OCA2: variants seen among roughly 807,000 people sequenced by gnomAD.
OCA2 encodes the protein OCA2 melanosomal transmembrane protein.
OCA2 carries 77 observed loss-of-function variants against 100.2 expected under a neutral mutation model. That is an observed-to-expected ratio of 0.77 (90% CI 0.64 to 0.93). The LOEUF (loss-of-function observed/expected upper bound fraction) is 0.93, where lower values mean the gene tolerates loss of function less well. OCA2 is among the 40% of genes least tolerant of loss of function. The pLI, the probability that OCA2 is intolerant of heterozygous loss-of-function variation, is 0.00. For missense variants in OCA2, 1,062 were observed against 1,089.1 expected (o/e 0.98, Z 0.35); for synonymous variants, 432 against 439.2 (o/e 0.98, Z 0.21).
intron 19 of OCA2, among the ~76,000 whole-genome samples, chr15:27,884,597 G>A (rs557203143): frequency 9.9e-5 from 15 of 152,018 alleles, no homozygotes; most frequent in Non-Finnish European, 2.1e-4. Flanking sequence ...TAAACTTCTT[G>A]TTATGTTGTT....
At chr15:27,899,693 G>A (rs758250146) in intron 19 of OCA2, among the ~76,000 whole-genome samples, 15 of 152,168 alleles carry the variant, frequency 9.9e-5, no homozygotes, top group Non-Finnish European at 1.9e-4. Flanking sequence ...CCCAGAAGCA[G>A]CTGACTTGAT....
At chr15:27,896,421 C>T in intron 19 of OCA2, 2 of 711,176 alleles carry the variant, frequency 2.8e-6, no homozygotes, top group East Asian at 5.2e-5. Context: ...AAAGAAAGCT[C>T]ATGCTGCTAT....
At chr15:27,885,566 A>G (rs2037188926) in intron 19 of OCA2, among the ~76,000 whole-genome samples, 1 of 152,240 alleles carries the variant, frequency 6.6e-6, no homozygotes, top group African/African-American at 2.4e-5. Flanking sequence ...TATCCTCACA[A>G]GAAGCCTTCT....
rs758766915 is a variant in OCA2 at position 28,024,831 on chromosome 15, G to A, written c.573+14C>T. 2.5e-6 allele frequency: 4 copies of A among 1,614,090 alleles called. No homozygotes were observed. The highest frequency in any genetic ancestry group is 3.4e-6 in the Non-Finnish European group (4 of 1,179,908). The stretch of plus-strand genomic sequence containing the variant: ...CGGACCCAACAGTAGTGCTGGGGCA[G>A]CTAAGGTACTCACAGAACACAGCAC... On this transcript the variant is annotated intron_variant, in intron 5 of 23. Transcript: ENST00000354638.
intron 2 of OCA2, among the ~76,000 whole-genome samples, chr15:28,054,308 G>A (rs7175552): frequency 0.092 from 14,010 of 152,218 alleles, 819 homozygotes; most frequent in African/African-American, 0.16. Context: ...AACTGTGTGG[G>A]TATGTATGCA....
chr15:27,899,876 G>A (rs540925385), intron 19 of OCA2, among the ~76,000 whole-genome samples: 4 of 152,302 alleles, frequency 2.6e-5, no homozygotes, highest in African/African-American at 9.6e-5. Flanking sequence ...AAAGGAGTGA[G>A]ATAGGAGCAC....
intron 2 of OCA2, among the ~76,000 whole-genome samples, chr15:28,072,508 T>C (rs1032764960): frequency 1.4e-5 from 2 of 144,440 alleles, no homozygotes; most frequent in African/African-American, 2.6e-5. Flanking sequence ...GAGAATGGCG[T>C]GAACCTGGAA....
chr15:28,083,736 G>A (rs1329829660), intron 1 of OCA2, among the ~76,000 whole-genome samples: 1 of 152,158 alleles, frequency 6.6e-6, no homozygotes, highest in Admixed American at 6.5e-5. Flanking sequence ...ACCATGACAA[G>A]CCAAGAGAGA....
intron 23 of OCA2, among the ~76,000 whole-genome samples, chr15:27,778,374 A>C (rs910149311): frequency 6.6e-6 from 1 of 152,314 alleles, no homozygotes; most frequent in East Asian, 1.9e-4. Context: ...AAGAAAGAAA[A>C]ACAAAAGAGA....
intron 23 of OCA2, among the ~76,000 whole-genome samples, chr15:27,762,770 T>C (rs752269299): frequency 1.1e-4 from 16 of 152,348 alleles, no homozygotes; most frequent in Non-Finnish European, 1.9e-4. Flanking sequence ...TAAGTCTTAA[T>C]GGACCTTGTC....
the OCA2 span, among the ~76,000 whole-genome samples, chr15:27,722,780 T>TTCTCTCTCTC: frequency 0.048 from 6,468 of 134,176 alleles, 199 homozygotes; most frequent in Middle Eastern, 0.071. Flanking sequence ...TTTTCTTTCT[T>TTCTCTCTCTC]TCTCTCTCTC....
intron 5 of OCA2, among the ~76,000 whole-genome samples, chr15:28,023,612 C>T (rs1198823923): frequency 6.6e-6 from 1 of 151,992 alleles, no homozygotes; most frequent in Non-Finnish European, 1.5e-5. Context: ...CAGCTCAGAC[C>T]CACCCTTGCC....
chr15:28,022,313 T>C (rs1214288248), intron 6 of OCA2, among the ~76,000 whole-genome samples, 188 bp downstream of exon 6: 1 of 152,182 alleles, frequency 6.6e-6, no homozygotes, highest in Non-Finnish European at 1.5e-5. Flanking sequence ...CCCGCCACTG[T>C]CTCCCTGGAG....
intron 11 of OCA2, among the ~76,000 whole-genome samples, chr15:27,988,406 T>C (rs2041433031): frequency 1.3e-5 from 2 of 152,070 alleles, no homozygotes; most frequent in Admixed American, 1.3e-4. Context: ...AGGAGGTAAT[T>C]AAATTAAAAT....
chr15:28,027,032 C>T (rs998603972), intron 4 of OCA2, among the ~76,000 whole-genome samples: 1 of 152,204 alleles, frequency 6.6e-6, no homozygotes, highest in Non-Finnish European at 1.5e-5. Flanking sequence ...AATGGAAGCC[C>T]ACTGGTCCCG....
intron 14 of OCA2, among the ~76,000 whole-genome samples, chr15:27,974,418 C>A (rs1315806439): frequency 6.6e-6 from 1 of 152,126 alleles, no homozygotes; most frequent in African/African-American, 2.4e-5. Flanking sequence ...ACTATGAGTG[C>A]ATCTGTGTCT....
intron 2 of OCA2, among the ~76,000 whole-genome samples, chr15:28,071,791 T>C (rs375846110): frequency 6.6e-6 from 1 of 152,220 alleles, no homozygotes; most frequent in African/African-American, 2.4e-5. Flanking sequence ...AAGATTTAAA[T>C]ATAAGACCTC....
At chr15:27,895,962 G>A in intron 19 of OCA2, 1 of 720,962 alleles carries the variant, frequency 1.4e-6, no homozygotes, top group Non-Finnish European at 2.5e-6. Flanking sequence ...CGAAAATATG[G>A]TTTGAAGGTT....
chr15:27,922,678 G>GGT (rs1491121747), intron 19 of OCA2, among the ~76,000 whole-genome samples: 1 of 98,940 alleles, frequency 1.0e-5, no homozygotes, highest in Non-Finnish European at 2.1e-5. Flanking sequence ...TTTTTTGTTT[G>GGT]GGGTGTGTGT....
Sources: allele counts gnomAD v4.1 joint callset (sites outside exome capture counted in the v4.1 genomes callset), GRCh38; gene constraint gnomAD v4.1.1; transcripts MANE v1.5; gene names NCBI Gene and HGNC (gene_info 2026-07-23, HGNC 2026-07-21).